SLC25A17: variants seen among roughly 807,000 people sequenced by gnomAD.
The protein encoded by SLC25A17 is peroxisomal membrane protein PMP34.
Under a neutral mutation model 38.5 loss-of-function variants are expected in SLC25A17, and 26 were observed. That is an observed-to-expected ratio of 0.68 (90% CI 0.50 to 0.94). SLC25A17 has a LOEUF of 0.94. SLC25A17 is among the 40% of genes least tolerant of loss of function. The pLI is 0.00. For missense variants in SLC25A17, 333 were observed against 372.7 expected, an observed-to-expected ratio of 0.89 and a Z score of 0.88; for synonymous variants, 139 against 136.2, an observed-to-expected ratio of 1.02 and a Z score of -0.14.
At position 40,792,605 on chromosome 22, in the gene SLC25A17, G is replaced by T. The variant is rs748548043; in HGVS notation, c.254C>A (p.Thr85Asn). 6.2e-7 allele frequency: 1 copy of T among 1,614,050 alleles called. No individual in the cohort carries two copies. ...LCCSNFVYFY[T>N]FNSLKALWVK... ...CCAGAGTGCTTTGAGGCTATTAAAA[G>T]TGTAGAAATAGACAAAATTGGAGCA... Residue 85 changes from threonine (T) to asparagine (N), a missense_variant, in exon 4 of 9, where the codon ACT (threonine) becomes AAT (asparagine). Physicochemically the swap from Thr to Asn is moderately conservative, Grantham distance 65 (BLOSUM62 0). Transcript: ENST00000435456.
intron 1 of SLC25A17, among the ~76,000 whole-genome samples, chr22:40,812,033 T>TTCTCTCTCTC (rs372346560): frequency 6.7e-6 from 1 of 150,282 alleles, no homozygotes; most frequent in South Asian, 2.1e-4. Flanking sequence ...CTCTTTTTCT[T>TTCTCTCTCTC]TCTCTCTCTC....
At position 40,789,384 on chromosome 22, in the gene SLC25A17, G is replaced by A. The variant is rs2057365800; in HGVS notation, c.334+3141C>T. On this transcript the variant is annotated intron_variant, in intron 4 of 8. Coordinates refer to ENST00000435456, the MANE Select transcript of SLC25A17 (RefSeq NM_006358.4). This position sits in a 1 kb window ranked among gnomAD's most constrained non-coding sequence, Gnocchi z 4.5. ...TCTGTCTGCCGCGGGGGTGCACCAG[G>A]GGCCCGACGATGCCGATGACACGCC... The A allele has an allele frequency of 6.6e-6, 1 of 152,306 alleles. No homozygotes were observed. Among genetic ancestry groups the A allele is most frequent in the South Asian group, 2.1e-4 (1 of 4,838 alleles). 9.4% of individuals were successfully genotyped at this position (152,306 alleles called of 1,614,324 possible).
chr22:40,797,401 T>C, intron 2 of SLC25A17: 2 of 745,512 alleles, frequency 2.7e-6, no homozygotes, highest in Non-Finnish European at 4.2e-6. Context: ...AAAGGCAGAT[T>C]AGGACTACAT....
chr22:40,817,171 T>G (rs1169382836), intron 1 of SLC25A17: 3 of 152,274 alleles, frequency 2.0e-5, no homozygotes, highest in African/African-American at 7.2e-5. Context: ...TTTATCAACA[T>G]GATAAATTCT....
intron 1 of SLC25A17, among the ~76,000 whole-genome samples, chr22:40,812,891 T>G (rs528681863): frequency 8.6e-5 from 13 of 151,990 alleles, no homozygotes; most frequent in Non-Finnish European, 1.6e-4. Context: ...TTTAAAAAAA[T>G]TTTTAAAAAC....
chr22:40,812,490 AATG>A (rs2057592745), intron 1 of SLC25A17, among the ~76,000 whole-genome samples: 1 of 152,170 alleles, frequency 6.6e-6, no homozygotes, highest in African/African-American at 2.4e-5. Flanking sequence ...AGCATAAAAC[AATG>A]ATGTTTGGGT....
At chr22:40,784,173 A>AT (rs2057317386) in intron 4 of SLC25A17, among the ~76,000 whole-genome samples, 1 of 152,150 alleles carries the variant, frequency 6.6e-6, no homozygotes, top group Admixed American at 6.6e-5. Context: ...ATTTACTGCC[A>AT]TATCCTTAGC....
rs201282302 is a variant in SLC25A17 at position 40,804,571 on chromosome 22, TTTTG to T, written c.55-5492_55-5489del. Among the ~76,000 whole-genome samples the T allele has an allele frequency of 3.6e-3, 544 of 152,280 alleles. 5 individuals are homozygous for T. Among genetic ancestry groups the T allele is most frequent in the African/African-American group, 0.013 (523 of 41,554 alleles). ...TTTACTTGGTTTTTGTTTGTTTTGT[TTTTG>T]TTTGTTTTTGCTATTGAGTTGTGTG... is the stretch of plus-strand genomic sequence containing the variant. On this transcript the variant is annotated intron_variant, in intron 1 of 8. Transcript: ENST00000435456.
chr22:40,816,283 TAAATAG>T (rs765035392), intron 1 of SLC25A17, among the ~76,000 whole-genome samples: 52 of 152,096 alleles, frequency 3.4e-4, no homozygotes, highest in Non-Finnish European at 6.8e-4. Flanking sequence ...CTTTGTAGAT[TAAATAG>T]AAATATATTA....
At chr22:40,802,113 G>T (rs147030259) in intron 1 of SLC25A17, among the ~76,000 whole-genome samples, 1 of 152,006 alleles carries the variant, frequency 6.6e-6, no homozygotes, top group Non-Finnish European at 1.5e-5. Flanking sequence ...TCTTTGAAGG[G>T]TACTGCATAG....
intron 4 of SLC25A17, chr22:40,780,064 C>A (rs185323885): frequency 5.9e-5 from 9 of 152,128 alleles, no homozygotes; most frequent in African/African-American, 2.2e-4. Context: ...TCTGAAGAAC[C>A]AAGAGAAAAA....
chr22:40,775,699 A>G (rs1285564477), intron 7 of SLC25A17, among the ~76,000 whole-genome samples: 1 of 151,392 alleles, frequency 6.6e-6, no homozygotes, highest in Admixed American at 6.6e-5. Context: ...TCCTGACCTC[A>G]TGATCCACCC....
intron 3 of SLC25A17, among the ~76,000 whole-genome samples, chr22:40,793,108 T>C (rs537717924): frequency 1.5e-4 from 22 of 150,964 alleles, no homozygotes; most frequent in African/African-American, 5.3e-4. Context: ...CAGGAGCTCC[T>C]ACAGGCCAAA....
chr22:40,788,165 A>G (rs867558050), intron 4 of SLC25A17, among the ~76,000 whole-genome samples: 14 of 152,224 alleles, frequency 9.2e-5, no homozygotes, highest in Admixed American at 2.0e-4. Flanking sequence ...CAAACTAGTG[A>G]CTTGCCTTTT....
chr22:40,817,636 C>T (rs1458054794), intron 1 of SLC25A17, among the ~76,000 whole-genome samples: 3 of 152,172 alleles, frequency 2.0e-5, no homozygotes, highest in Non-Finnish European at 4.4e-5. Context: ...TCAATGATCA[C>T]TTCTACCATG....
chr22:40,814,813 TTTTGTTTTGG>T (rs2057621608), intron 1 of SLC25A17, among the ~76,000 whole-genome samples: 1 of 148,614 alleles, frequency 6.7e-6, no homozygotes, highest in African/African-American at 2.5e-5. Flanking sequence ...TGTTGTTTTG[TTTTGTTTTGG>T]TTTTTTTTGT....
intron 7 of SLC25A17, 74 bp downstream of exon 7, chr22:40,776,960 TATTAAC>T (rs2057249306): frequency 4.1e-6 from 5 of 1,208,270 alleles, no homozygotes; most frequent in Non-Finnish European, 6.0e-6. Context: ...TTTATTGCTT[TATTAAC>T]ATTGTTTTAA....
At chr22:40,788,250 T>G (rs989110138) in intron 4 of SLC25A17, among the ~76,000 whole-genome samples, 1 of 152,210 alleles carries the variant, frequency 6.6e-6, no homozygotes, top group African/African-American at 2.4e-5. Flanking sequence ...AATCTTGATT[T>G]TTAAATGAAT....
At position 40,794,541 on chromosome 22, in the gene SLC25A17, A is replaced by T. The variant is rs762794886; in HGVS notation, c.155T>A (p.Leu52His). ...TCCTTCTTCTTTAATGATCTCCAGG[A>T]GCACCATGTGTGTAGTTTTGGATTT... Reference protein sequence around the residue: ...KRKSKTTHMVLLEIIKEEGLL... With the variant: ...KRKSKTTHMVHLEIIKEEGLL... The change falls in exon 3 of 9, where the codon CTC becomes CAC. Residue 52 changes from leucine to histidine, a missense_variant. Coordinates refer to ENST00000435456, the MANE Select transcript of SLC25A17 (RefSeq NM_006358.4). 2 of 1,611,952 alleles carry T rather than the reference A, an allele frequency of 1.2e-6. No individual in the cohort carries two copies. Among genetic ancestry groups the T allele is most frequent in the Admixed American group, 1.7e-5 (1 of 60,000 alleles).
Sources: gnomAD v4.1 joint callset for allele counts (sites outside exome capture counted in the v4.1 genomes callset) on GRCh38, gnomAD v4.1.1 for gene constraint, Gnocchi (gnomAD v3.1) non-coding constraint, MANE v1.5 for transcripts, NCBI Gene and HGNC (gene_info 2026-07-23, HGNC 2026-07-21) for gene names.